Variants in U2AF2 observed in about 807,000 individuals in gnomAD.
The protein encoded by U2AF2 is U2 small nuclear RNA auxiliary factor 2.
Under a neutral mutation model 52.6 loss-of-function variants are expected in U2AF2, and 6 were observed. That is an observed-to-expected ratio of 0.11 (90% CI 0.06 to 0.23). The LOEUF is 0.23. Ranked by LOEUF, U2AF2 falls within the 10% of genes least tolerant of loss-of-function variation. The probability of loss-of-function intolerance (pLI) is 1.00; values close to 1 mark genes in which losing one functional copy is unlikely to be tolerated. For missense variants in U2AF2, 222 were observed against 677.1 expected (o/e 0.33, Z 7.46); for synonymous variants, 284 against 258.2 (o/e 1.10, Z -0.96).
intron 11 of U2AF2, among the ~76,000 whole-genome samples, chr19:55,672,608 A>G (rs1195743044): frequency 6.6e-6 from 1 of 152,134 alleles, no homozygotes; most frequent in Non-Finnish European, 1.5e-5. Context: ...GTTGACAACC[A>G]CTGCTCTAAC....
At chr19:55,661,488 AGG>A (rs1393750436) in intron 5 of U2AF2, among the ~76,000 whole-genome samples, 1 of 134,924 alleles carries the variant, frequency 7.4e-6, no homozygotes, top group Non-Finnish European at 1.6e-5. Flanking sequence ...AGAGACAGAG[AGG>A]GAGACTTGGA....
In U2AF2 at chr19:55,663,882, C is replaced by G. The variant is rs565783273; in HGVS notation, c.742+138C>G. The G allele has an allele frequency of 1.2e-5, 16 of 1,300,352 alleles. No homozygotes were observed. The Admixed American group carries it at 1.6e-4, about 13-fold the overall frequency. The allele number at this position is 1,300,352 out of a possible 1,614,324, so 80.6% of individuals were successfully genotyped here. ...GATAGGTGCCTTTTCCCTGCTTCCC[C>G]TAAGTCTCTGTGAGTGGGGTGCTCT... On this transcript the variant is annotated intron_variant, in intron 7 of 11. Transcript: ENST00000308924.
At position 55,660,968 on chromosome 19, in the gene U2AF2, G is replaced by A. The variant is rs1355277214; in HGVS notation, c.335-70G>A. On this transcript the variant is annotated intron_variant, in intron 4 of 11. Transcript: ENST00000308924. The stretch of plus-strand genomic sequence containing the variant: ...TTTCTGCTGAGGAGGGGAACTCCCA[G>A]TGTGTGGTGAGGGGTGGTCACTGAG... 10 of 1,507,772 alleles carry A rather than the reference G, an allele frequency of 6.6e-6. No homozygotes were observed. The African/African-American group carries it at 9.8e-5, about 15-fold the overall frequency. The allele number at this position is 1,507,772 out of a possible 1,614,324, so 93.4% of individuals were successfully genotyped here. A position where few individuals can be genotyped will look rare whatever the true frequency, so the allele number is the denominator to read the frequency against.
rs1985126140 is a variant in U2AF2, at chr19:55,674,138, C to T, written c.*70C>T. 1.1e-5 allele frequency: 16 copies of T among 1,474,326 alleles called. No homozygotes were observed. The highest frequency in any genetic ancestry group is 2.4e-5 in the Admixed American group (1 of 42,530). 91.3% of individuals were successfully genotyped at this position (1,474,326 alleles called of 1,614,324 possible). The stretch of plus-strand genomic sequence containing the variant: ...CCCCACTCCCGCCCCCCCCTTATCC[C>T]CCTCTGAAGACGATGGGCAGAGGAG... On this transcript the variant is annotated 3_prime_UTR_variant, in exon 12 of 12. Coordinates refer to ENST00000308924, the MANE Select transcript of U2AF2 (RefSeq NM_007279.3).
At chr19:55,662,472 C>G in intron 5 of U2AF2, 30 bp from the exon 6 acceptor site, 1 of 1,267,454 alleles carries the variant, frequency 7.9e-7, no homozygotes, top group East Asian at 2.6e-5. Flanking sequence ...CTTCCCCCGC[C>G]CCCCCCCTTG....
In U2AF2 at chr19:55,668,497, C is replaced by T. The variant is rs190119183; in HGVS notation, c.743-10C>T. 7 of 1,578,896 alleles carry T rather than the reference C, an allele frequency of 4.4e-6. No individual in the cohort carries two copies. The East Asian group carries it at 1.6e-4, about 36-fold the overall frequency. ...ACTGGAATTGAAGTCCTCCTCTTCT[C>T]TACCCATAGGGGTTGTGTCCACTGT... On this transcript the variant is annotated splice_polypyrimidine_tract_variant and intron_variant, in intron 7 of 11. Transcript: ENST00000308924. This position sits in a 1 kb window ranked among gnomAD's most constrained non-coding sequence, Gnocchi z 5.5.
intron 1 of U2AF2, 62 bp downstream of exon 1, chr19:55,655,215 CCCG>C (rs1983698461): frequency 5.9e-6 from 9 of 1,536,362 alleles, no homozygotes; most frequent in East Asian, 2.6e-5. Context: ...TCTTTGCCCC[CCCG>C]CCATTTTCTC....
rs2122138665 is a variant in U2AF2 at position 55,674,155 on chromosome 19, G to T, written c.*87G>T. 8.1e-7 allele frequency: 1 copy of T among 1,232,370 alleles called. No individual in the cohort carries two copies. Among genetic ancestry groups the T allele is most frequent in the East Asian group, 4.1e-5 (1 of 24,128 alleles). 76.3% of individuals were successfully genotyped at this position (1,232,370 alleles called of 1,614,324 possible). ...CCTTATCCCCCTCTGAAGACGATGG[G>T]CAGAGGAGTGACAGCCGCAGACACA... On this transcript the variant is annotated 3_prime_UTR_variant, in exon 12 of 12. Coordinates refer to ENST00000308924, the MANE Select transcript of U2AF2 (RefSeq NM_007279.3).
intron 2 of U2AF2, among the ~76,000 whole-genome samples, chr19:55,659,743 C>A (rs1218034492): frequency 6.6e-6 from 1 of 152,028 alleles, no homozygotes; most frequent in Non-Finnish European, 1.5e-5. Flanking sequence ...CCTCCAGTTT[C>A]TTTCTTCCCT....
At chr19:55,670,688 G>A in intron 11 of U2AF2, 1 of 225,608 alleles carries the variant, frequency 4.4e-6, no homozygotes, top group Non-Finnish European at 9.0e-6. Context: ...GGCCAGGGCT[G>A]AGTGGCAGGC....
In U2AF2 at chr19:55,668,786, G is replaced by A. The variant is rs536048239; in HGVS notation, c.939G>A (p.Thr313=). 22 of 1,611,944 alleles carry A rather than the reference G, an allele frequency of 1.4e-5. No homozygotes were observed. Among genetic ancestry groups the A allele is most frequent in the African/African-American group, 2.7e-5 (2 of 75,014 alleles). The stretch of plus-strand genomic sequence containing the variant: ...GTGAGTACGTGGACATCAACGTCAC[G>A]GATCAGGTGAGTCCCCGGTCGCTGG... ...AFCEYVDINV[T]DQAIAGLNGM... The change falls in exon 9 of 12, where the codon ACG becomes ACA. Residue 313 remains threonine (T), a synonymous_variant. Transcript: ENST00000308924. This position sits in a 1 kb window ranked among gnomAD's most constrained non-coding sequence, Gnocchi z 5.5.
chr19:55,660,108 G>T (rs894139927), intron 2 of U2AF2, 69 bp from the exon 3 acceptor site: 12 of 1,489,772 alleles, frequency 8.1e-6, no homozygotes, highest in African/African-American at 2.8e-5. Flanking sequence ...CCCTTGGGGG[G>T]GTGTGGCATG....
At chr19:55,672,583 A>AC (rs539688612) in intron 11 of U2AF2, among the ~76,000 whole-genome samples, 10 of 151,258 alleles carry the variant, frequency 6.6e-5, no homozygotes, top group South Asian at 2.1e-4. Context: ...CCCTGGGGAC[A>AC]CCCCCCCTCC....
intron 1 of U2AF2, among the ~76,000 whole-genome samples, chr19:55,656,352 C>G (rs1983794615): frequency 6.6e-6 from 1 of 152,156 alleles, no homozygotes; most frequent in Non-Finnish European, 1.5e-5. Flanking sequence ...AAACAGTGTC[C>G]TGGGGAAGCA....
rs141412674 is a variant in U2AF2, at chr19:55,659,922, C to T, written c.186-255C>T. Among the ~76,000 whole-genome samples, 831 of 152,278 alleles carry T rather than the reference C, an allele frequency of 5.5e-3. 12 individuals are homozygous for T. The highest frequency in any genetic ancestry group is 0.019 in the African/African-American group (800 of 41,570). On this transcript the variant is annotated intron_variant, in intron 2 of 11. Coordinates refer to ENST00000308924, the MANE Select transcript of U2AF2 (RefSeq NM_007279.3). ...AGGATAGGCGGAAGTCCTCCTGCCT[C>T]CTCCCGGCTCAGTTTCTCCAGCTAG...
In U2AF2 at chr19:55,662,538, C is replaced by T; in HGVS notation, c.523C>T (p.Leu175=). 1.2e-6 allele frequency: 2 copies of T among 1,612,494 alleles called. No homozygotes were observed. Among genetic ancestry groups the T allele is most frequent in the African/African-American group, 1.3e-5 (1 of 74,536 alleles). The change falls in exon 6 of 12, where the codon CTG becomes TTG. Residue 175 remains leucine (L), a synonymous_variant. Transcript: ENST00000308924. The part of the protein sequence containing the change: ...MMDFFNAQMR[L]GGLTQAPGNP... Reference sequence around the variant, plus strand: ...GGATTTCTTCAACGCCCAGATGCGCCTGGGGGGGCTGACCCAGGCCCCTGG... The same window carrying T: ...GGATTTCTTCAACGCCCAGATGCGCTTGGGGGGGCTGACCCAGGCCCCTGG...
chr19:55,663,306 A>G (rs2123682828), intron 6 of U2AF2, among the ~76,000 whole-genome samples: 1 of 152,246 alleles, frequency 6.6e-6, no homozygotes, highest in East Asian at 1.9e-4. Context: ...TCCCCGTTCA[A>G]CTAACCTTTC....
chr19:55,660,276 C>A, intron 3 of U2AF2, 55 bp downstream of exon 3: 1 of 1,575,116 alleles, frequency 6.3e-7, no homozygotes, highest in Non-Finnish European at 8.7e-7. Context: ...TCACCTTCCT[C>A]ACGCCCGTGC....
chr19:55,659,872 T>C (rs1984054317), intron 2 of U2AF2, among the ~76,000 whole-genome samples: 1 of 152,160 alleles, frequency 6.6e-6, no homozygotes, highest in Non-Finnish European at 1.5e-5. Flanking sequence ...CTTTCTGTTC[T>C]CTGCCTCCTT....
Sources: gnomAD v4.1 joint callset for allele counts (sites outside exome capture counted in the v4.1 genomes callset) on GRCh38, gnomAD v4.1.1 for gene constraint, Gnocchi (gnomAD v3.1) non-coding constraint, MANE v1.5 for transcripts, NCBI Gene and HGNC (gene_info 2026-07-23, HGNC 2026-07-21) for gene names.